DLG2: variants seen among roughly 807,000 people sequenced by gnomAD.
The protein encoded by DLG2 is disks large homolog 2.
In DLG2, 45 loss-of-function variants were observed where a neutral mutation model predicts 132.5. That is an observed-to-expected ratio of 0.34 (90% CI 0.27 to 0.44). The LOEUF (loss-of-function observed/expected upper bound fraction) is 0.44. DLG2 is among the 20% of genes least tolerant of loss of function. The pLI is 1.00. For synonymous variants in DLG2, 424 were observed against 419.6 expected (o/e 1.01, Z -0.13); for missense variants, 1,045 against 1,196.9 (o/e 0.87, Z 1.87).
intron 6 of DLG2, among the ~76,000 whole-genome samples, chr11:85,019,041 T>A (rs2059809906): frequency 6.6e-6 from 1 of 152,152 alleles, no homozygotes; most frequent in African/African-American, 2.4e-5. Flanking sequence ...CACACATACT[T>A]GTAACTCAAA....
chr11:84,686,460 A>G (rs1489142644), intron 6 of DLG2, among the ~76,000 whole-genome samples: 2 of 152,162 alleles, frequency 1.3e-5, no homozygotes, highest in African/African-American at 2.4e-5. Context: ...CTCATATTTC[A>G]GGACTTCTAA....
intron 18 of DLG2, among the ~76,000 whole-genome samples, chr11:83,779,505 T>A (rs774472126): frequency 4.6e-5 from 7 of 152,168 alleles, no homozygotes; most frequent in Non-Finnish European, 1.0e-4. Flanking sequence ...GACCCCTTTA[T>A]GTCCATTTGA....
chr11:83,866,073 C>T (rs1431471672), intron 16 of DLG2, among the ~76,000 whole-genome samples: 3 of 151,838 alleles, frequency 2.0e-5, no homozygotes, highest in Admixed American at 6.6e-5. Context: ...CATCACAGTC[C>T]CCCCTTTTTT....
At chr11:85,112,983 T>C (rs1461553952) in intron 5 of DLG2, among the ~76,000 whole-genome samples, 2 of 152,100 alleles carry the variant, frequency 1.3e-5, no homozygotes, top group African/African-American at 4.8e-5. Flanking sequence ...GCCTGTGATT[T>C]GTAAGCTTTT....
At chr11:84,635,583 G>C (rs557458538) in intron 6 of DLG2, among the ~76,000 whole-genome samples, 1 of 151,624 alleles carries the variant, frequency 6.6e-6, no homozygotes, top group East Asian at 1.9e-4. Context: ...TTTCCATTCA[G>C]CTATGCATTT....
chr11:83,623,310 G>C (rs934347513), intron 19 of DLG2, among the ~76,000 whole-genome samples: 1 of 152,096 alleles, frequency 6.6e-6, no homozygotes, highest in Non-Finnish European at 1.5e-5. Flanking sequence ...GATTAACAAG[G>C]GGCAAGGAGC....
intron 3 of DLG2, among the ~76,000 whole-genome samples, chr11:85,544,424 G>T (rs2076169773): frequency 6.6e-6 from 1 of 152,162 alleles, no homozygotes; most frequent in African/African-American, 2.4e-5. Flanking sequence ...GTCAGGTAGT[G>T]TGATGCTACC....
intron 10 of DLG2, among the ~76,000 whole-genome samples, chr11:84,069,201 C>T (rs1161872217): frequency 6.6e-6 from 1 of 152,146 alleles, no homozygotes; most frequent in Non-Finnish European, 1.5e-5. Context: ...TGGACTGAGA[C>T]CATACTCCAA....
At chr11:83,854,584 A>T (rs2060230186) in intron 16 of DLG2, among the ~76,000 whole-genome samples, 1 of 152,120 alleles carries the variant, frequency 6.6e-6, no homozygotes, top group African/African-American at 2.4e-5. Context: ...TTATACCCTG[A>T]ACAAAAATAA....
At chr11:84,023,359 GTTAA>G (rs1171899911) in intron 11 of DLG2, among the ~76,000 whole-genome samples, 4 of 152,066 alleles carry the variant, frequency 2.6e-5, no homozygotes. Flanking sequence ...CAATAACTGG[GTTAA>G]TTAATCTTCA....
chr11:83,727,404 G>A lies in DLG2; in HGVS notation c.1825+59286C>T, dbSNP rs138446395. Among the ~76,000 whole-genome samples, 764 of 152,302 alleles carry A rather than the reference G, an allele frequency of 5.0e-3. 4 individuals are homozygous for A. The highest frequency in any genetic ancestry group is 9.5e-3 in the Admixed American group (145 of 15,296). On this transcript the variant is annotated intron_variant, in intron 18 of 27. Coordinates refer to ENST00000376104, the MANE Select transcript of DLG2 (RefSeq NM_001142699.3). ...CCACCTTCCACTCCCCACCACCCAAGGCTAATGTGGTGCACAGGGGAGAGG... is the reference window on the plus strand; with the variant it reads ...CCACCTTCCACTCCCCACCACCCAAAGCTAATGTGGTGCACAGGGGAGAGG...
intron 7 of DLG2, among the ~76,000 whole-genome samples, chr11:84,463,432 A>T (rs571598567): frequency 6.6e-6 from 1 of 151,118 alleles, no homozygotes; most frequent in Non-Finnish European, 1.5e-5. Context: ...TAGGTTGGTC[A>T]TATCTGAGCC....
At chr11:84,283,234 G>T (rs920193669) in intron 7 of DLG2, among the ~76,000 whole-genome samples, 6 of 152,288 alleles carry the variant, frequency 3.9e-5, no homozygotes, top group Non-Finnish European at 8.8e-5. Context: ...CCCCATGAAG[G>T]TCTTATTCGT....
At chr11:84,569,762 C>A (rs1051572579) in intron 6 of DLG2, among the ~76,000 whole-genome samples, 10 of 152,092 alleles carry the variant, frequency 6.6e-5, no homozygotes, top group African/African-American at 2.2e-4. Flanking sequence ...TCTTTTTGTC[C>A]TACCATACTC....
chr11:84,117,287 C>A (rs1378802050), intron 9 of DLG2, among the ~76,000 whole-genome samples: 1 of 152,168 alleles, frequency 6.6e-6, no homozygotes, highest in Non-Finnish European at 1.5e-5. Context: ...TTTAGCCTAA[C>A]CCTCTGGTTG....
chr11:84,592,222 T>C (rs1250447977), intron 6 of DLG2, among the ~76,000 whole-genome samples: 2 of 152,198 alleles, frequency 1.3e-5, no homozygotes, highest in South Asian at 4.1e-4. Context: ...GATCCATTAA[T>C]TTAAGGGTTC....
At chr11:85,528,096 A>G (rs2074922179) in intron 3 of DLG2, among the ~76,000 whole-genome samples, 1 of 152,140 alleles carries the variant, frequency 6.6e-6, no homozygotes, top group South Asian at 2.1e-4. Context: ...CCTTTGTCGG[A>G]TGGATAGATT....
At chr11:85,126,698 C>T (rs149420704) in intron 5 of DLG2, among the ~76,000 whole-genome samples, 3 of 152,066 alleles carry the variant, frequency 2.0e-5, no homozygotes, top group African/African-American at 7.2e-5. Context: ...GAATTAGAAC[C>T]AGTGTCATTG....
intron 8 of DLG2, among the ~76,000 whole-genome samples, chr11:84,189,873 T>C (rs1412832809): frequency 1.3e-5 from 2 of 151,952 alleles, no homozygotes; most frequent in South Asian, 2.1e-4. Context: ...TAATGGACAC[T>C]GGGCTTAATA....
Sources: allele counts gnomAD v4.1 joint callset (sites outside exome capture counted in the v4.1 genomes callset), GRCh38; gene constraint gnomAD v4.1.1; transcripts MANE v1.5; gene names NCBI Gene and HGNC (gene_info 2026-07-23, HGNC 2026-07-21).